The following OTUD7A variants were observed in gnomAD, a reference collection of about 807,000 sequenced individuals.
The protein encoded by OTUD7A is OTU domain-containing protein 7A.
In OTUD7A, 12 loss-of-function variants were observed where a neutral mutation model predicts 65.7. The ratio of observed to expected loss-of-function variants is 0.18; its 90% CI spans 0.12 to 0.30. The LOEUF (loss-of-function observed/expected upper bound fraction) is 0.30. Among genes scored for constraint, OTUD7A ranks in the 10% least tolerant of loss-of-function variants. The probability of loss-of-function intolerance (pLI) is 1.00; values close to 1 mark genes in which losing one functional copy is unlikely to be tolerated. For synonymous variants in OTUD7A, 641 were observed against 586.3 expected, an observed-to-expected ratio of 1.09 and a Z score of -1.35; for missense variants, 1,148 against 1,304.8, an observed-to-expected ratio of 0.88 and a Z score of 1.85.
At chr15:31,577,496 T>C (rs1889237354) in intron 3 of OTUD7A, among the ~76,000 whole-genome samples, 1 of 152,170 alleles carries the variant, frequency 6.6e-6, no homozygotes, top group African/African-American at 2.4e-5. Context: ...CTTTGAGACG[T>C]CCCACCTTTT....
At chr15:31,701,828 C>T (rs1893220500) in intron 1 of OTUD7A, among the ~76,000 whole-genome samples, 1 of 152,186 alleles carries the variant, frequency 6.6e-6, no homozygotes, top group African/African-American at 2.4e-5. Context: ...CATACCAAAA[C>T]CAGACAAACC....
intron 3 of OTUD7A, among the ~76,000 whole-genome samples, chr15:31,633,248 A>C (rs2141252507): frequency 6.6e-6 from 1 of 152,212 alleles, no homozygotes; most frequent in South Asian, 2.1e-4. Context: ...AGCTGTTCGT[A>C]TTTGGCCATC....
chr15:31,665,058 C>T (rs139133549), intron 1 of OTUD7A, among the ~76,000 whole-genome samples: 4,103 of 152,208 alleles, frequency 0.027, 167 homozygotes, highest in African/African-American at 0.094. Flanking sequence ...TTGGTGACTA[C>T]GGCCTTATAG....
chr15:31,811,672 A>G (rs545878847), intron 1 of OTUD7A, among the ~76,000 whole-genome samples: 24 of 152,100 alleles, frequency 1.6e-4, no homozygotes, highest in Non-Finnish European at 7.4e-5. Context: ...AAAGGGTAGT[A>G]GAGAGGTGCC....
At chr15:31,801,523 G>C (rs969939816) in intron 1 of OTUD7A, among the ~76,000 whole-genome samples, 1 of 152,132 alleles carries the variant, frequency 6.6e-6, no homozygotes, top group African/African-American at 2.4e-5. Context: ...CAGATACAGA[G>C]GCATTTTCTC....
At position 31,484,861 on chromosome 15, in the gene OTUD7A, C is replaced by G. The variant is rs1424178342; in HGVS notation, c.1372-137G>C. On this transcript the variant is annotated intron_variant, in intron 12 of 12. Coordinates refer to ENST00000307050, the MANE Select transcript of OTUD7A (RefSeq NM_001382637.1). The surrounding 1 kb of genome is among the most constrained non-coding windows in gnomAD (Gnocchi z 4.5). ...CACTGTCCCAGTCCCCACTGTCGCTCTGGTGACTGTGACATCCGGATGGGC... is the reference window on the plus strand; with the variant it reads ...CACTGTCCCAGTCCCCACTGTCGCTGTGGTGACTGTGACATCCGGATGGGC... 3 of 1,424,716 alleles carry G rather than the reference C, an allele frequency of 2.1e-6. No homozygotes were observed. The highest frequency in any genetic ancestry group is 2.8e-6 in the Non-Finnish European group (3 of 1,081,610). The allele number at this position is 1,424,716 out of a possible 1,614,324, so 88.3% of individuals were successfully genotyped here. A position where few individuals can be genotyped will look rare whatever the true frequency, so the allele number is the denominator to read the frequency against.
chr15:31,667,209 G>C (rs1892345313), intron 1 of OTUD7A, among the ~76,000 whole-genome samples: 1 of 149,320 alleles, frequency 6.7e-6, no homozygotes, highest in South Asian at 2.1e-4. Context: ...GACCTGTCTA[G>C]TGCTGTCAGT....
chr15:31,502,695 G>A (rs770574815), intron 9 of OTUD7A, among the ~76,000 whole-genome samples: 27 of 152,168 alleles, frequency 1.8e-4, no homozygotes, highest in Non-Finnish European at 2.8e-4. Context: ...CCTCTGCCCC[G>A]CAACTCAGAG....
chr15:31,623,512 G>T (rs1315118949), intron 3 of OTUD7A, among the ~76,000 whole-genome samples: 1 of 152,236 alleles, frequency 6.6e-6, no homozygotes, highest in Non-Finnish European at 1.5e-5. Context: ...TTTGATCTCA[G>T]ACTGCTGTGC....
chr15:31,755,581 G>A (rs1894789392), intron 1 of OTUD7A, among the ~76,000 whole-genome samples: 1 of 152,106 alleles, frequency 6.6e-6, no homozygotes, highest in Non-Finnish European at 1.5e-5. Context: ...AATTAGCCAG[G>A]CGTGCTGGCG....
At chr15:31,700,298 C>T (rs1403861403) in intron 1 of OTUD7A, among the ~76,000 whole-genome samples, 3 of 151,670 alleles carry the variant, frequency 2.0e-5, no homozygotes, top group Non-Finnish European at 2.9e-5. Context: ...CACCTGTGTT[C>T]GGGTGACTCC....
At chr15:31,601,989 G>A (rs1595645380) in intron 3 of OTUD7A, among the ~76,000 whole-genome samples, 1 of 152,128 alleles carries the variant, frequency 6.6e-6, no homozygotes, top group South Asian at 2.1e-4. Context: ...AAAAGTCCAG[G>A]AACAGATAGA....
intron 1 of OTUD7A, among the ~76,000 whole-genome samples, chr15:31,765,297 T>G (rs187543038): frequency 2.0e-5 from 3 of 152,164 alleles, no homozygotes; most frequent in Admixed American, 6.5e-5. Context: ...ATTTGGCAGC[T>G]GAGAATTATT....
At chr15:31,842,920 C>T (rs1897218268) in intron 1 of OTUD7A, among the ~76,000 whole-genome samples, 1 of 152,130 alleles carries the variant, frequency 6.6e-6, no homozygotes. Flanking sequence ...CTAATTAATG[C>T]TCTCGGTTCC....
chr15:31,821,301 AC>A (rs1402158022), intron 1 of OTUD7A, among the ~76,000 whole-genome samples: 2 of 118,656 alleles, frequency 1.7e-5, no homozygotes, highest in Admixed American at 8.5e-5. Context: ...ACGCCCAGGT[AC>A]CTTTTTTTTT....
intron 1 of OTUD7A, among the ~76,000 whole-genome samples, chr15:31,693,435 A>G (rs1462852710): frequency 1.3e-5 from 2 of 152,036 alleles, no homozygotes; most frequent in Non-Finnish European, 2.9e-5. Flanking sequence ...CTATCAGCTA[A>G]ACTAAGGGTG....
chr15:31,763,877 C>T (rs1895036174), intron 1 of OTUD7A, among the ~76,000 whole-genome samples: 1 of 152,162 alleles, frequency 6.6e-6, no homozygotes, highest in Non-Finnish European at 1.5e-5. Flanking sequence ...AGAGGCACAA[C>T]ATTTTTAAAG....
chr15:31,625,166 G>A (rs1056287774), intron 3 of OTUD7A, among the ~76,000 whole-genome samples: 5 of 152,156 alleles, frequency 3.3e-5, no homozygotes, highest in African/African-American at 1.2e-4. Context: ...GACCGCCAGT[G>A]AAGAATTGAG....
rs868624403 is a variant in OTUD7A, at chr15:31,771,975, G to A, written c.-100+98532C>T. On this transcript the variant is annotated intron_variant, in intron 1 of 12. Coordinates refer to ENST00000307050, the MANE Select transcript of OTUD7A (RefSeq NM_001382637.1). The stretch of plus-strand genomic sequence containing the variant: ...TAAAAAATATTTTAGAGTGGGGGCC[G>A]GGCGCGGTGGCTCACACCTGTAATC... Among the ~76,000 whole-genome samples the A allele has an allele frequency of 9.2e-5, 14 of 152,248 alleles. No homozygotes were observed. In the East Asian group the frequency reaches 1.7e-3, roughly 19 times the overall value.
Sources: allele counts gnomAD v4.1 joint callset (sites outside exome capture counted in the v4.1 genomes callset), GRCh38; gene constraint gnomAD v4.1.1; non-coding constraint Gnocchi (gnomAD v3.1); transcripts MANE v1.5; gene names NCBI Gene and HGNC (gene_info 2026-07-23, HGNC 2026-07-21).